SGCZ: variants seen among roughly 807,000 people sequenced by gnomAD.
SGCZ encodes the protein sarcoglycan zeta.
Under a neutral mutation model 41.3 loss-of-function variants are expected in SGCZ, and 40 were observed. That is an observed-to-expected ratio of 0.97 (90% CI 0.75 to 1.26). SGCZ has a LOEUF of 1.26. Among genes scored for constraint, SGCZ ranks in the 50% most tolerant of loss-of-function variants. The pLI is 0.00. For synonymous variants in SGCZ, 206 were observed against 137.5 expected (o/e 1.50, Z -3.49); for missense variants, 552 against 369.8 (o/e 1.49, Z -4.04).
intron 1 of SGCZ, among the ~76,000 whole-genome samples, chr8:14,695,188 A>C (rs1191228149): frequency 6.6e-6 from 1 of 152,124 alleles, no homozygotes; most frequent in East Asian, 1.9e-4. Flanking sequence ...AACTAGAAAT[A>C]TTTTTATGAT....
chr8:14,786,029 CCTTTATTTTTAAGA>C (rs144279145), intron 1 of SGCZ, among the ~76,000 whole-genome samples: 81 of 132,000 alleles, frequency 6.1e-4, no homozygotes, highest in African/African-American at 2.8e-3. Flanking sequence ...AGATATATCC[CCTTTATTTTTAAGA>C]CTTTATTGTC....
chr8:15,014,825 T>C (rs536120864), intron 1 of SGCZ, among the ~76,000 whole-genome samples: 1 of 152,208 alleles, frequency 6.6e-6, no homozygotes, highest in Non-Finnish European at 1.5e-5. Flanking sequence ...ATTAGTTTTA[T>C]ACAAGTGAGC....
At chr8:14,981,063 T>C (rs1350414777) in intron 1 of SGCZ, among the ~76,000 whole-genome samples, 1 of 152,154 alleles carries the variant, frequency 6.6e-6, no homozygotes, top group Non-Finnish European at 1.5e-5. Flanking sequence ...ATGGCTTGTA[T>C]AAAAATTTCT....
chr8:15,172,382 G>C (rs145718008), intron 1 of SGCZ, among the ~76,000 whole-genome samples: 1 of 151,018 alleles, frequency 6.6e-6, no homozygotes, highest in African/African-American at 2.4e-5. Flanking sequence ...GGATGGTCTC[G>C]ATCTCCTGAC....
intron 1 of SGCZ, among the ~76,000 whole-genome samples, chr8:14,613,973 T>A (rs1428790275): frequency 3.3e-5 from 5 of 152,206 alleles, no homozygotes; most frequent in African/African-American, 7.2e-5. Context: ...CAGATTGATT[T>A]TTTTAGAAAT....
chr8:14,756,836 A>T (rs1291034449), intron 1 of SGCZ, among the ~76,000 whole-genome samples: 4 of 152,296 alleles, frequency 2.6e-5, no homozygotes, highest in African/African-American at 9.6e-5. Flanking sequence ...TATTTAATGA[A>T]ATCTCACAAG....
chr8:14,981,129 C>T (rs1172198326), intron 1 of SGCZ, among the ~76,000 whole-genome samples: 1 of 152,114 alleles, frequency 6.6e-6, no homozygotes, highest in Non-Finnish European at 1.5e-5. Flanking sequence ...AGAGCACATT[C>T]CCTTAGCCTT....
intron 2 of SGCZ, among the ~76,000 whole-genome samples, chr8:14,444,551 C>G (rs997138938): frequency 5.9e-5 from 9 of 151,438 alleles, no homozygotes; most frequent in African/African-American, 2.2e-4. Flanking sequence ...TCTCAGTAAA[C>G]TATCGTAAGA....
At chr8:14,401,197 G>A (rs567275041) in intron 2 of SGCZ, among the ~76,000 whole-genome samples, 5 of 151,954 alleles carry the variant, frequency 3.3e-5, no homozygotes, top group Non-Finnish European at 5.9e-5. Context: ...ACCTTTCTTT[G>A]CATTATGCAT....
chr8:14,889,190 A>T (rs1410395840), intron 1 of SGCZ, among the ~76,000 whole-genome samples: 1 of 152,076 alleles, frequency 6.6e-6, no homozygotes, highest in Non-Finnish European at 1.5e-5. Context: ...ACAATATATC[A>T]TCATCATATC....
intron 1 of SGCZ, among the ~76,000 whole-genome samples, chr8:15,214,855 C>G (rs918589413): frequency 1.3e-5 from 2 of 152,052 alleles, no homozygotes; most frequent in Admixed American, 6.5e-5. Flanking sequence ...CAAATGAAAA[C>G]CGCAAACTCA....
intron 2 of SGCZ, among the ~76,000 whole-genome samples, chr8:14,519,068 A>G (rs1349005330): frequency 9.5e-6 from 1 of 105,104 alleles, no homozygotes; most frequent in Non-Finnish European, 1.7e-5. Flanking sequence ...GACTCTGTCT[A>G]AAAAAAAAAA....
intron 1 of SGCZ, among the ~76,000 whole-genome samples, chr8:15,020,828 G>A (rs1468195980): frequency 6.6e-6 from 1 of 152,140 alleles, no homozygotes; most frequent in Non-Finnish European, 1.5e-5. Context: ...ATAAACATAA[G>A]CCTTTCTTCA....
chr8:14,998,964 A>G (rs1255689814), intron 1 of SGCZ, among the ~76,000 whole-genome samples: 2 of 152,212 alleles, frequency 1.3e-5, no homozygotes, highest in Non-Finnish European at 2.9e-5. Context: ...GCAGGAATTT[A>G]GCTACTTCTA....
chr8:14,911,026 T>C (rs1420362572), intron 1 of SGCZ, among the ~76,000 whole-genome samples: 3 of 152,068 alleles, frequency 2.0e-5, no homozygotes, highest in African/African-American at 7.2e-5. Flanking sequence ...TTACTTTGAG[T>C]ATAATGTCAT....
chr8:14,617,844 G>C (rs1472866929), intron 1 of SGCZ, among the ~76,000 whole-genome samples: 1 of 57,596 alleles, frequency 1.7e-5, no homozygotes, highest in Non-Finnish European at 4.2e-5. Flanking sequence ...AATTTTTTGT[G>C]TGTTTATGTG....
intron 4 of SGCZ, among the ~76,000 whole-genome samples, chr8:14,219,599 T>A (rs541905002): frequency 6.6e-6 from 1 of 152,090 alleles, no homozygotes; most frequent in Admixed American, 6.5e-5. Flanking sequence ...ATACAAAAAT[T>A]AGCTGGGCGT....
chr8:14,721,263 A>C (rs1809877878), intron 1 of SGCZ, among the ~76,000 whole-genome samples: 1 of 152,208 alleles, frequency 6.6e-6, no homozygotes, highest in Admixed American at 6.5e-5. Flanking sequence ...CTGAAAAGCC[A>C]TGCATTTTGT....
intron 1 of SGCZ, among the ~76,000 whole-genome samples, chr8:15,196,768 AT>A (rs1395873375): frequency 2.0e-5 from 3 of 152,142 alleles, no homozygotes; most frequent in Non-Finnish European, 4.4e-5. Flanking sequence ...TATATCTAAA[AT>A]TTCTTATTTC....
Sources: allele counts gnomAD v4.1 joint callset (sites outside exome capture counted in the v4.1 genomes callset), GRCh38; gene constraint gnomAD v4.1.1; transcripts MANE v1.5; gene names NCBI Gene and HGNC (gene_info 2026-07-23, HGNC 2026-07-21).